USP47: variants seen among roughly 807,000 people sequenced by gnomAD.
USP47 encodes the protein ubiquitin carboxyl-terminal hydrolase 47.
Under a neutral mutation model 165.1 loss-of-function variants are expected in USP47, and 35 were observed. That is an observed-to-expected ratio of 0.21 (90% confidence interval 0.16 to 0.28). The LOEUF (loss-of-function observed/expected upper bound fraction) is 0.28, where lower values mean the gene tolerates loss of function less well. Ranked by LOEUF, USP47 falls within the 10% of genes least tolerant of loss-of-function variation. The pLI is 1.00. For missense variants in USP47, 1,277 were observed against 1,607.4 expected (o/e 0.79, Z 3.52); for synonymous variants, 531 against 544.5 (o/e 0.98, Z 0.35).
intron 23 of USP47, 44 bp from the exon 24 acceptor site, chr11:11,950,320 A>G: frequency 7.6e-7 from 1 of 1,318,204 alleles, no homozygotes; most frequent in African/African-American, 1.5e-5. Context: ...TTAAATTGAG[A>G]GTTTCAAATT....
intron 18 of USP47, among the ~76,000 whole-genome samples, 156 bp downstream of exon 18, chr11:11,938,528 G>A (rs1299103558): frequency 1.3e-5 from 2 of 152,046 alleles, no homozygotes; most frequent in African/African-American, 4.8e-5. Context: ...AACAGATTGA[G>A]TAAAGTGTGG....
chr11:11,949,782 G>T, intron 22 of USP47, 107 bp from the exon 23 acceptor site: 2 of 685,068 alleles, frequency 2.9e-6, no homozygotes, highest in Non-Finnish European at 2.4e-6. Flanking sequence ...TGAAACTCAG[G>T]CCCTTAATTG....
At chr11:11,851,250 T>A (rs192353384) in intron 1 of USP47, among the ~76,000 whole-genome samples, 1 of 149,944 alleles carries the variant, frequency 6.7e-6, no homozygotes, top group Admixed American at 6.7e-5. Flanking sequence ...ATGGCACCCT[T>A]CAAATTCAAT....
At chr11:11,910,354 A>G (rs1291285760) in intron 8 of USP47, among the ~76,000 whole-genome samples, 1 of 152,140 alleles carries the variant, frequency 6.6e-6, no homozygotes, top group Non-Finnish European at 1.5e-5. Flanking sequence ...ATGGGTACAG[A>G]CTGAAAAACC....
intron 4 of USP47, among the ~76,000 whole-genome samples, chr11:11,894,300 A>G (rs942383169): frequency 7.2e-5 from 11 of 152,088 alleles, no homozygotes; most frequent in Admixed American, 6.5e-4. Flanking sequence ...TACTAAAAAT[A>G]CAAAAATTAG....
chr11:11,895,975 T>A (rs1851819689), intron 4 of USP47, among the ~76,000 whole-genome samples: 1 of 152,244 alleles, frequency 6.6e-6, no homozygotes. Context: ...TGATAATAGC[T>A]GCCATTTGAA....
chr11:11,847,383 G>A (rs1463606174), intron 1 of USP47, among the ~76,000 whole-genome samples: 1 of 149,878 alleles, frequency 6.7e-6, no homozygotes, highest in African/African-American at 2.5e-5. Context: ...ACCTTTGATT[G>A]TGATTTACAC....
In USP47 at chr11:11,880,312, A is replaced by C; in HGVS notation, c.175A>C (p.Asn59His). 5.0e-6 allele frequency: 7 copies of C among 1,401,724 alleles called. No homozygotes were observed. The highest frequency in any genetic ancestry group is 6.4e-6 in the Non-Finnish European group (7 of 1,085,846). 86.8% of individuals were successfully genotyped at this position (1,401,724 alleles called of 1,614,324 possible). Reference sequence around the variant, plus strand: ...CAGAAAGCTCTTTGAAGATGTGGCCAACAAAGTAGGCTACATAAATGGAAC... The same window carrying C: ...CAGAAAGCTCTTTGAAGATGTGGCCCACAAAGTAGGCTACATAAATGGAAC... The part of the protein sequence containing the change: ...PVRKLFEDVA[N>H]KVGYINGTFD... The change falls in exon 2 of 28, where the codon AAC (asparagine) becomes CAC (histidine). Residue 59 changes from asparagine to histidine, a missense_variant. Around this residue, in one of 4 missense-constraint regions of USP47, gnomAD observed 181 missense variants for 194.7 expected, o/e 0.93. Coordinates refer to ENST00000527733, the MANE Select transcript of USP47 (RefSeq NM_001282659.2).
At chr11:11,852,790 C>T (rs1848801079) in intron 1 of USP47, among the ~76,000 whole-genome samples, 1 of 152,172 alleles carries the variant, frequency 6.6e-6, no homozygotes, top group East Asian at 1.9e-4. Flanking sequence ...TCCTCTTTAA[C>T]CAGAGATTCT....
chr11:11,941,132 C>G (rs1855438854), intron 19 of USP47, among the ~76,000 whole-genome samples: 1 of 151,826 alleles, frequency 6.6e-6, no homozygotes, highest in Non-Finnish European at 1.5e-5. Context: ...TCACTCTAGT[C>G]TCATTCATCT....
At chr11:11,911,200 GA>G (rs1326783489) in intron 8 of USP47, among the ~76,000 whole-genome samples, 2 of 152,012 alleles carry the variant, frequency 1.3e-5, no homozygotes, top group Non-Finnish European at 2.9e-5. Flanking sequence ...AAGATAGACT[GA>G]AAAAAATATA....
At chr11:11,909,773 T>C (rs1378088004) in intron 8 of USP47, among the ~76,000 whole-genome samples, 1 of 152,200 alleles carries the variant, frequency 6.6e-6, no homozygotes, top group Non-Finnish European at 1.5e-5. Context: ...AGAAATAAGA[T>C]TATATAAAAG....
At position 11,936,268 on chromosome 11, in the gene USP47, A is replaced by G. The variant is rs373273877; in HGVS notation, c.1870-35A>G. ...TATATATATAAATATATATGTATATATATTTTTTCTTTCTGGGGGATTACT... is the reference window on the plus strand; with the variant it reads ...TATATATATAAATATATATGTATATGTATTTTTTCTTTCTGGGGGATTACT... On this transcript the variant is annotated intron_variant, in intron 16 of 27. Coordinates refer to ENST00000527733, the MANE Select transcript of USP47 (RefSeq NM_001282659.2). 5.8e-6 allele frequency: 7 copies of G among 1,199,778 alleles called. No individual in the cohort carries two copies. In the African/African-American group the frequency reaches 9.4e-5, roughly 16 times the overall value. The allele number at this position is 1,199,778 out of a possible 1,614,324, so 74.3% of individuals were successfully genotyped here. A position where few individuals can be genotyped will look rare whatever the true frequency, so the allele number is the denominator to read the frequency against.
rs1175853253 is a variant in USP47, at chr11:11,948,480, T to C, written c.3270T>C (p.Ile1090=). Residue 1090 remains isoleucine, a splice_region_variant and synonymous_variant, in exon 22 of 28, where the codon ATT becomes ATC. Coordinates refer to ENST00000527733, the MANE Select transcript of USP47 (RefSeq NM_001282659.2). Reference sequence around the variant, plus strand: ...AAAAAAATGTTTTTAACTTATAGATTACAATTAGACTGGGGAGAGCACTTA... The same window carrying C: ...AAAAAAATGTTTTTAACTTATAGATCACAATTAGACTGGGGAGAGCACTTA... ...TLSSFSDDNK[I]TIRLGRALKK... The C allele has an allele frequency of 3.1e-6, 5 of 1,611,044 alleles. No homozygotes were observed. The Admixed American group carries it at 8.4e-5, about 27-fold the overall frequency.
chr11:11,857,715 G>A (rs888645539), intron 1 of USP47, among the ~76,000 whole-genome samples: 1 of 152,190 alleles, frequency 6.6e-6, no homozygotes, highest in Non-Finnish European at 1.5e-5. Context: ...TACTCCCTTT[G>A]CAGACCCCTA....
Position 11,956,323 on chromosome 11 carries a change from CA to C in USP47, c.*149del. On this transcript the variant is annotated 3_prime_UTR_variant, in exon 28 of 28. Coordinates refer to ENST00000527733, the MANE Select transcript of USP47 (RefSeq NM_001282659.2). ...GACTGCCCTACACCAATCAGAAGCT[CA>C]GTGCCCAATGGGCCACTGTTTTGAC... The C allele has an allele frequency of 4.4e-6, 3 of 687,644 alleles. 1 individual carries two copies. The highest frequency in any genetic ancestry group is 7.0e-6 in the Non-Finnish European group (3 of 428,272). The allele number at this position is 687,644 out of a possible 1,614,324, so 42.6% of individuals were successfully genotyped here.
intron 16 of USP47, 69 bp from the exon 17 acceptor site, chr11:11,936,234 T>TTATATATGTATATATATAAA: frequency 1.2e-6 from 1 of 803,000 alleles, no homozygotes; most frequent in African/African-American, 1.8e-5. Flanking sequence ...CACTGTGTAT[T>TTATATATGTATATATATAAA]TATATATGTA....
chr11:11,928,709 A>C (rs1854436313), intron 11 of USP47, among the ~76,000 whole-genome samples: 2 of 151,996 alleles, frequency 1.3e-5, no homozygotes, highest in South Asian at 4.1e-4. Context: ...GGAGTTGTGA[A>C]GTACATGGGC....
intron 1 of USP47, among the ~76,000 whole-genome samples, chr11:11,872,329 T>C (rs1050836052): frequency 3.9e-5 from 6 of 152,202 alleles, no homozygotes; most frequent in Non-Finnish European, 5.9e-5. Flanking sequence ...GAGGAAGTTA[T>C]TACACCTTTT....
Sources: allele counts gnomAD v4.1 joint callset (sites outside exome capture counted in the v4.1 genomes callset), GRCh38; gene constraint gnomAD v4.1.1; regional missense constraint gnomAD v4.1.1; transcripts MANE v1.5; gene names NCBI Gene and HGNC (gene_info 2026-07-23, HGNC 2026-07-21).